The following ANKS1B variants were observed in gnomAD, a reference collection of about 807,000 sequenced individuals.
ANKS1B encodes the protein ankyrin repeat and sterile alpha motif domain-containing protein 1B.
ANKS1B carries 36 observed loss-of-function variants against 148.3 expected under a neutral mutation model. The ratio of observed to expected loss-of-function variants is 0.24; its 90% CI spans 0.19 to 0.32. The LOEUF is 0.32. ANKS1B is among the 10% of genes least tolerant of loss of function. The probability of loss-of-function intolerance (pLI) is 1.00; values close to 1 mark genes in which losing one functional copy is unlikely to be tolerated. For missense variants in ANKS1B, 1,157 were observed against 1,542.6 expected, an observed-to-expected ratio of 0.75 and a Z score of 4.19; for synonymous variants, 542 against 560.8, an observed-to-expected ratio of 0.97 and a Z score of 0.47.
At chr12:98,866,547 A>G (rs925233435) in intron 17 of ANKS1B, among the ~76,000 whole-genome samples, 3 of 152,144 alleles carry the variant, frequency 2.0e-5, no homozygotes, top group African/African-American at 4.8e-5. Context: ...CAATATCACA[A>G]TATCACCTCG....
chr12:99,196,592 T>C (rs1050334265), intron 14 of ANKS1B, among the ~76,000 whole-genome samples: 1 of 152,006 alleles, frequency 6.6e-6, no homozygotes, highest in Non-Finnish European at 1.5e-5. Context: ...TTCTGTTTTT[T>C]TTTGTTTGTT....
intron 14 of ANKS1B, among the ~76,000 whole-genome samples, chr12:99,200,831 T>C (rs899918415): frequency 6.6e-6 from 1 of 152,214 alleles, no homozygotes; most frequent in African/African-American, 2.4e-5. Context: ...TTCTTTCCTA[T>C]GCACTCAACA....
intron 16 of ANKS1B, among the ~76,000 whole-genome samples, chr12:99,067,483 G>T (rs932547832): frequency 1.3e-5 from 2 of 152,186 alleles, no homozygotes; most frequent in Non-Finnish European, 2.9e-5. Flanking sequence ...AGCACTTTTG[G>T]TAGGTCCTGG....
chr12:99,275,362 A>G (rs941093082), intron 12 of ANKS1B, among the ~76,000 whole-genome samples: 3 of 152,038 alleles, frequency 2.0e-5, no homozygotes, highest in African/African-American at 7.2e-5. Flanking sequence ...CCAGCCTCTG[A>G]TAACCTTCAT....
chr12:99,349,261 A>C (rs111329580), intron 12 of ANKS1B, among the ~76,000 whole-genome samples: 1,843 of 152,088 alleles, frequency 0.012, 38 homozygotes, highest in African/African-American at 0.042. Flanking sequence ...CTAATATGAA[A>C]GACAATAATG....
Position 99,484,764 on chromosome 12 carries a change from G to GTTTTTT in ANKS1B, c.1438+19706_1438+19711dup, listed in dbSNP as rs565634931. On this transcript the variant is annotated intron_variant, in intron 10 of 26. Coordinates refer to ENST00000683438, the MANE Select transcript of ANKS1B (RefSeq NM_001352186.2). ...TGACCGTCTTTGTGTGTGTGTGTGT[G>GTTTTTT]TTTTTTTTTTTTTTTTTTTACCATT... Among the ~76,000 whole-genome samples, 551 of 63,690 alleles carry GTTTTTT rather than the reference G, an allele frequency of 8.7e-3. 6 individuals carry two copies. Among genetic ancestry groups the GTTTTTT allele is most frequent in the African/African-American group, 0.039 (512 of 13,292 alleles). 41.8% of individuals were successfully genotyped at this position (63,690 alleles called of 152,430 possible).
chr12:99,806,482 T>A lies in ANKS1B; in HGVS notation c.591A>T (p.Pro197=), dbSNP rs2067653712. 1.2e-6 allele frequency: 2 copies of A among 1,613,852 alleles called. No homozygotes were observed. Among genetic ancestry groups the A allele is most frequent in the Non-Finnish European group, 8.5e-7 (1 of 1,179,868 alleles). ...LMSCNTRKHT[P]LHLAARNGHK... ...GGCCATTGCGCGCAGCAAGGTGAAG[T>A]GGCGTGTGCTTGCGAGTGTTGCAGC... The change falls in exon 4 of 27, where the codon CCA becomes CCT. Residue 197 remains proline, a synonymous_variant. Coordinates refer to ENST00000683438, the MANE Select transcript of ANKS1B (RefSeq NM_001352186.2).
chr12:99,077,947 C>A (rs76529913), intron 16 of ANKS1B, among the ~76,000 whole-genome samples: 1 of 152,114 alleles, frequency 6.6e-6, no homozygotes, highest in Non-Finnish European at 1.5e-5. Flanking sequence ...CAGAGTGACA[C>A]CTATAACCAA....
At chr12:98,737,471 G>A (rs1177078718) in intron 9 of ANKS1B, among the ~76,000 whole-genome samples, 1 of 152,122 alleles carries the variant, frequency 6.6e-6, no homozygotes, top group Non-Finnish European at 1.5e-5. Context: ...GGAATTGCTT[G>A]CTTATTGAGG....
chr12:99,794,383 T>C (rs972747240), intron 4 of ANKS1B, among the ~76,000 whole-genome samples: 1 of 151,582 alleles, frequency 6.6e-6, no homozygotes, highest in Non-Finnish European at 1.5e-5. Context: ...ATGTTTGTTG[T>C]GGCACTGTTC....
intron 10 of ANKS1B, among the ~76,000 whole-genome samples, chr12:99,464,973 T>G (rs2096071260): frequency 6.6e-6 from 1 of 151,954 alleles, no homozygotes; most frequent in South Asian, 2.1e-4. Context: ...GAAGAGCAAC[T>G]CCAAGACACA....
chr12:99,536,212 C>A (rs530827030), intron 9 of ANKS1B, among the ~76,000 whole-genome samples: 1 of 152,208 alleles, frequency 6.6e-6, no homozygotes, highest in South Asian at 2.1e-4. Context: ...AACCCTAATG[C>A]AAACTATGAA....
At chr12:99,611,364 C>A (rs2097901034) in intron 9 of ANKS1B, among the ~76,000 whole-genome samples, 1 of 152,090 alleles carries the variant, frequency 6.6e-6, no homozygotes, top group Non-Finnish European at 1.5e-5. Context: ...TTAACCTAAT[C>A]ATCACTTTGT....
intron 10 of ANKS1B, among the ~76,000 whole-genome samples, chr12:99,461,621 G>A (rs1189510830): frequency 2.0e-5 from 3 of 151,952 alleles, no homozygotes; most frequent in Non-Finnish European, 2.9e-5. Context: ...TATAATTTAT[G>A]AACTTCTTTT....
At chr12:99,455,769 C>G (rs1378922267) in intron 10 of ANKS1B, among the ~76,000 whole-genome samples, 1 of 152,026 alleles carries the variant, frequency 6.6e-6, no homozygotes, top group Non-Finnish European at 1.5e-5. Flanking sequence ...GCAAACCCCA[C>G]CCAAGGAGAG....
In ANKS1B at chr12:99,583,509, TGAC is replaced by T. The variant is rs566609977; in HGVS notation, c.1272+71555_1272+71557del. 1.1e-3 allele frequency among the ~76,000 whole-genome samples: 163 copies of T among 152,298 alleles called. 1 individual carries two copies. The highest frequency in any genetic ancestry group is 6.8e-3 in the Middle Eastern group (2 of 294). ...TATTTTTCTTTATATTTCCAACAAA[TGAC>T]TAACACTATTTTATGATCAGTTCTT... On this transcript the variant is annotated intron_variant, in intron 9 of 26. Coordinates refer to ENST00000683438, the MANE Select transcript of ANKS1B (RefSeq NM_001352186.2).
intron 9 of ANKS1B, among the ~76,000 whole-genome samples, chr12:99,567,104 T>C (rs889079963): frequency 1.3e-5 from 2 of 152,226 alleles, no homozygotes; most frequent in Non-Finnish European, 2.9e-5. Context: ...TATGGTTCTA[T>C]GATTCTGATC....
At chr12:99,789,291 G>A (rs1309362678) in intron 4 of ANKS1B, among the ~76,000 whole-genome samples, 3 of 152,158 alleles carry the variant, frequency 2.0e-5, no homozygotes, top group Admixed American at 1.3e-4. Flanking sequence ...AAAAACCACA[G>A]TGTTAGTGGG....
intron 8 of ANKS1B, among the ~76,000 whole-genome samples, chr12:99,661,217 C>A (rs887807350): frequency 2.0e-5 from 3 of 152,102 alleles, no homozygotes; most frequent in Admixed American, 6.6e-5. Flanking sequence ...GCGTAATCAC[C>A]CCTGGCACCT....
Sources: allele counts gnomAD v4.1 joint callset (sites outside exome capture counted in the v4.1 genomes callset), GRCh38; gene constraint gnomAD v4.1.1; transcripts MANE v1.5; gene names NCBI Gene and HGNC (gene_info 2026-07-23, HGNC 2026-07-21).